MGAT5: variants seen among roughly 807,000 people sequenced by gnomAD.
The protein encoded by MGAT5 is alpha-1,6-mannosylglycoprotein 6-beta-N-acetylglucosaminyltransferase, also known as alpha-1,6-mannosylglycoprotein 6-beta-N-acetylglucosaminyltransferase A.
A neutral mutation model predicts 94.3 loss-of-function variants in MGAT5; 30 were observed. The ratio of observed to expected loss-of-function variants is 0.32; its 90% CI spans 0.24 to 0.43. The LOEUF (loss-of-function observed/expected upper bound fraction) is 0.43, where lower values mean the gene tolerates loss of function less well. Ranked by LOEUF, MGAT5 falls within the 20% of genes least tolerant of loss-of-function variation. MGAT5 has a pLI of 1.00. For missense variants in MGAT5, 691 were observed against 905.5 expected (o/e 0.76, Z 3.04); for synonymous variants, 310 against 322.9 (o/e 0.96, Z 0.43).
In MGAT5 at chr2:134,318,695, G is replaced by T; in HGVS notation, c.529G>T (p.Gly177Ter). 6.2e-7 allele frequency: 1 copy of T among 1,613,600 alleles called. No homozygotes were observed. The highest frequency in any genetic ancestry group is 1.1e-5 in the South Asian group (1 of 91,066). ...WRSDPCYADY[G>*]VDGSTCSFFI... is the part of the protein sequence containing the mutation. ...TTCAGATCCCTGCTACGCAGACTATGGAGTGGATGGATCCACCTGCTCTTT... is the reference window on the plus strand; with the variant it reads ...TTCAGATCCCTGCTACGCAGACTATTGAGTGGATGGATCCACCTGCTCTTT... The change falls in exon 4 of 16, where the codon GGA becomes TGA. Residue 177 changes from glycine (G) to a stop codon, truncating the protein, a stop_gained. Transcript: ENST00000281923. LOFTEE classifies it high-confidence loss of function.
At chr2:134,300,281 T>C (rs1685936799) in intron 2 of MGAT5, among the ~76,000 whole-genome samples, 1 of 152,112 alleles carries the variant, frequency 6.6e-6, no homozygotes, top group Non-Finnish European at 1.5e-5. Context: ...GTCCTGCAGA[T>C]AGGCTGAAAA....
intron 7 of MGAT5, 110 bp from the exon 8 acceptor site, chr2:134,344,820 C>T: frequency 7.4e-7 from 1 of 1,346,830 alleles, no homozygotes. Context: ...GCTGTCATCT[C>T]TAAAAAGGAT....
intron 1 of MGAT5, among the ~76,000 whole-genome samples, chr2:134,177,926 T>G (rs191745019): frequency 4.5e-4 from 68 of 152,314 alleles, no homozygotes; most frequent in Middle Eastern, 6.8e-3. Context: ...GGAAACTGCA[T>G]AGGTGTATCG....
In MGAT5 at chr2:134,441,862, C is replaced by T. The variant is rs778190196; in HGVS notation, c.1974C>T (p.Leu658=). The change falls in exon 15 of 16, where the codon CTC becomes CTT. Residue 658 remains leucine (L), a synonymous_variant. Transcript: ENST00000281923. ...SCKQVCQESQ[L]ICEPSFFQHL... Reference sequence around the variant, plus strand: ...AGCAGGTGTGCCAGGAGAGCCAGCTCATCTGCGAGCCTTCTTTCTTCCAGC... The same window carrying T: ...AGCAGGTGTGCCAGGAGAGCCAGCTTATCTGCGAGCCTTCTTTCTTCCAGC... 1 of 1,614,030 alleles carries T rather than the reference C, an allele frequency of 6.2e-7. No individual in the cohort carries two copies. The highest frequency in any genetic ancestry group is 8.5e-7 in the Non-Finnish European group (1 of 1,180,004).
At chr2:134,345,259 G>T (rs989331448) in intron 8 of MGAT5, among the ~76,000 whole-genome samples, 195 bp downstream of exon 8, 5 of 152,110 alleles carry the variant, frequency 3.3e-5, no homozygotes. Flanking sequence ...TGGTTTCTTA[G>T]AAAACAAGTG....
chr2:134,356,290 C>CAG lies in MGAT5; in HGVS notation c.1247-5984_1247-5983insGA, dbSNP rs1306262059. ...GGAGGTGTTTAGAACTTTCCCATTT[C>CAG]ACCTTCCACTTCTTTGATTTTTTTT... On this transcript the variant is annotated intron_variant, in intron 9 of 15. Transcript: ENST00000281923. Among the ~76,000 whole-genome samples the CAG allele has an allele frequency of 1.2e-3, 180 of 152,236 alleles. 1 individual carries two copies. The highest frequency in any genetic ancestry group is 3.4e-4 in the Non-Finnish European group (23 of 67,996).
At chr2:134,433,261 T>G (rs1684988338) in intron 14 of MGAT5, among the ~76,000 whole-genome samples, 1 of 152,232 alleles carries the variant, frequency 6.6e-6, no homozygotes, top group African/African-American at 2.4e-5. Flanking sequence ...TATGTACAGA[T>G]TAATATCACA....
intron 4 of MGAT5, among the ~76,000 whole-genome samples, chr2:134,331,344 T>C (rs2105954715): frequency 6.6e-6 from 1 of 152,258 alleles, no homozygotes; most frequent in South Asian, 2.1e-4. Flanking sequence ...TTTGTTTGTT[T>C]TTGTTTTCTC....
chr2:134,122,640 C>T (rs1056179131), intron 1 of MGAT5, among the ~76,000 whole-genome samples: 2 of 152,226 alleles, frequency 1.3e-5, no homozygotes, highest in Non-Finnish European at 2.9e-5. Context: ...GCATTTGCCT[C>T]TGCTGGGGTG....
At chr2:134,174,373 G>A (rs1688359475) in intron 1 of MGAT5, among the ~76,000 whole-genome samples, 1 of 152,398 alleles carries the variant, frequency 6.6e-6, no homozygotes, top group South Asian at 2.1e-4. Context: ...TTTAGTTACT[G>A]TGGGTCTGTC....
In MGAT5 at chr2:134,193,130, T is replaced by TTA. The variant is rs1553491212; in HGVS notation, c.-142-61131_-142-61130insAT. On this transcript the variant is annotated intron_variant, in intron 1 of 16. Transcript: ENST00000409645. The stretch of plus-strand genomic sequence containing the variant: ...TATTTTTATTTTTATTTTTTATTTT[T>TTA]TTTTTTTTTTGAGACAAGGTCTCGC... 6.1e-4 allele frequency among the ~76,000 whole-genome samples: 91 copies of TTA among 148,778 alleles called. 1 individual carries two copies. The highest frequency in any genetic ancestry group is 2.1e-3 in the African/African-American group (85 of 39,878).
chr2:134,420,092 C>G (rs1558873468), intron 12 of MGAT5, among the ~76,000 whole-genome samples: 1 of 152,140 alleles, frequency 6.6e-6, no homozygotes, highest in Non-Finnish European at 1.5e-5. Flanking sequence ...TGTCACCTTC[C>G]TTTTTATCCA....
chr2:134,422,982 A>ATT, intron 13 of MGAT5, 63 bp downstream of exon 13: 1 of 1,187,508 alleles, frequency 8.4e-7, no homozygotes, highest in Non-Finnish European at 1.2e-6. Flanking sequence ...TATAAAACAC[A>ATT]TCATAGGTCC....
intron 13 of MGAT5, among the ~76,000 whole-genome samples, chr2:134,425,353 T>TTTTTTG (rs774490761): frequency 3.0e-4 from 46 of 152,178 alleles, no homozygotes; most frequent in Admixed American, 1.8e-3. Context: ...GTTTTTAGTT[T>TTTTTTG]TTTTTGTTTT....
intron 1 of MGAT5, among the ~76,000 whole-genome samples, chr2:134,128,822 T>TA (rs758883852): frequency 6.6e-6 from 1 of 152,184 alleles, no homozygotes; most frequent in Non-Finnish European, 1.5e-5. Context: ...CCTACTGCCT[T>TA]AGTCTCTCAA....
chr2:134,245,601 CCCTT>C (rs1682211417), intron 1 of MGAT5, among the ~76,000 whole-genome samples: 1 of 152,176 alleles, frequency 6.6e-6, no homozygotes, highest in African/African-American at 2.4e-5. Context: ...CTTTGCCTGT[CCCTT>C]CCTCCTCTGC....
At chr2:134,174,091 C>T (rs1688347367) in intron 1 of MGAT5, among the ~76,000 whole-genome samples, 1 of 152,228 alleles carries the variant, frequency 6.6e-6, no homozygotes, top group Admixed American at 6.5e-5. Flanking sequence ...CCCAAATGAG[C>T]CTTTACCTCT....
intron 10 of MGAT5, among the ~76,000 whole-genome samples, chr2:134,367,726 T>C (rs1221945290): frequency 1.3e-5 from 2 of 152,238 alleles, no homozygotes; most frequent in East Asian, 3.8e-4. Flanking sequence ...ATGGCCAATA[T>C]GTGGAAAAGT....
rs1460187058 is a variant in MGAT5 at position 134,412,957 on chromosome 2, A to G, written c.1619A>G (p.Asn540Ser). ...NGCAFLNPKFNPPKSSKNTDF... is the reference protein window; with the variant it reads ...NGCAFLNPKFSPPKSSKNTDF... Reference sequence around the variant, plus strand: ...TGTGCTTTTCTGAATCCCAAGTTCAACCCACCCAAAAGCAGCAAAAACACA... The same window carrying G: ...TGTGCTTTTCTGAATCCCAAGTTCAGCCCACCCAAAAGCAGCAAAAACACA... Residue 540 changes from asparagine to serine, a missense_variant, in exon 12 of 16, where the codon AAC (asparagine) becomes AGC (serine). This residue lies in a region of MGAT5 where 260 missense variants were observed against 347.0 expected (regional missense o/e 0.75). Coordinates refer to ENST00000281923, the MANE Select transcript of MGAT5 (RefSeq NM_002410.5). 5 of 1,612,528 alleles carry G rather than the reference A, an allele frequency of 3.1e-6. No individual in the cohort carries two copies. The highest frequency in any genetic ancestry group is 2.2e-5 in the South Asian group (2 of 90,970).
Sources: gnomAD v4.1 joint callset for allele counts (sites outside exome capture counted in the v4.1 genomes callset) on GRCh38, gnomAD v4.1.1 for gene constraint, gnomAD v4.1.1 regional missense constraint, MANE v1.5 for transcripts, NCBI Gene and HGNC (gene_info 2026-07-23, HGNC 2026-07-21) for gene names.